MBD3: variants seen among roughly 807,000 people sequenced by gnomAD.
MBD3 encodes the protein methyl-CpG binding domain protein 3.
Under a neutral mutation model 31.2 loss-of-function variants are expected in MBD3, and 13 were observed. That is an observed-to-expected ratio of 0.42 (90% confidence interval 0.27 to 0.66). The LOEUF is 0.66. Ranked by LOEUF, MBD3 falls within the 30% of genes least tolerant of loss-of-function variation. The pLI is 0.26. For synonymous variants in MBD3, 223 were observed against 187.4 expected, an observed-to-expected ratio of 1.19 and a Z score of -1.55; for missense variants, 440 against 426.5, an observed-to-expected ratio of 1.03 and a Z score of -0.28.
rs1307764153 is a variant in MBD3 at position 1,578,116 on chromosome 19, T to TGCAGGCGGCTCCA, written c.*35_*47dup. 6.8e-5 allele frequency: 46 copies of TGCAGGCGGCTCCA among 678,100 alleles called. No individual in the cohort carries two copies. The Middle Eastern group carries it at 1.2e-3, about 18-fold the overall frequency. 42.0% of individuals were successfully genotyped at this position (678,100 alleles called of 1,614,324 possible). A position where few individuals can be genotyped will look rare whatever the true frequency, so the allele number is the denominator to read the frequency against. ...TTCACGTGGGGCCGAGGACCGCGTC[T>TGCAGGCGGCTCCA]GCAGGCGGCTCCAGCAGGCAGCACG... is the stretch of plus-strand genomic sequence containing the variant. On this transcript the variant is annotated 3_prime_UTR_variant, in exon 7 of 7. Coordinates refer to ENST00000434436, the MANE Select transcript of MBD3 (RefSeq NM_001281453.2). The surrounding 1 kb of genome is among the most constrained non-coding windows in gnomAD (Gnocchi z 6.1).
chr19:1,585,046 A>G lies in MBD3; in HGVS notation c.270+9T>C. 1.2e-6 allele frequency: 2 copies of G among 1,610,956 alleles called. No homozygotes were observed. The highest frequency in any genetic ancestry group is 1.7e-6 in the Non-Finnish European group (2 of 1,179,240). ...GCGCCGACGTCACCTGCGTGACGCCACCACTCACCTTGACCTGGTTGGAGG... is the reference window on the plus strand; with the variant it reads ...GCGCCGACGTCACCTGCGTGACGCCGCCACTCACCTTGACCTGGTTGGAGG... On this transcript the variant is annotated intron_variant, in intron 2 of 6. Coordinates refer to ENST00000434436, the MANE Select transcript of MBD3 (RefSeq NM_001281453.2). The surrounding 1 kb of genome is among the most constrained non-coding windows in gnomAD (Gnocchi z 4.1).
intron 1 of MBD3, chr19:1,592,309 C>G (rs2060707827): frequency 6.1e-6 from 1 of 163,984 alleles, no homozygotes; most frequent in African/African-American, 2.4e-5. Flanking sequence ...CAGCCAGTCC[C>G]TGAACGGCCG....
At position 1,577,070 on chromosome 19, in the gene MBD3, C is replaced by G. The variant is rs1373794016; in HGVS notation, c.*1094G>C. The G allele has an allele frequency of 6.6e-6, 1 of 152,426 alleles. No individual in the cohort carries two copies. Among genetic ancestry groups the G allele is most frequent in the Admixed American group, 6.5e-5 (1 of 15,294 alleles). 9.4% of individuals were successfully genotyped at this position (152,426 alleles called of 1,614,324 possible). On this transcript the variant is annotated 3_prime_UTR_variant, in exon 7 of 7. Transcript: ENST00000434436. ...CGACCAGATCCTGGCTGGGGCAGCA[C>G]CGGGACAGGCCCTCTCTATGGGCCT...
intron 4 of MBD3, among the ~76,000 whole-genome samples, chr19:1,582,154 A>G (rs1414729504): frequency 1.3e-5 from 2 of 152,126 alleles, no homozygotes; most frequent in African/African-American, 4.8e-5. Flanking sequence ...CTCCTGCCCC[A>G]GCCCCGCCAA....
At chr19:1,581,452 A>G in intron 4 of MBD3, 183 bp from the exon 5 acceptor site, 1 of 689,608 alleles carries the variant, frequency 1.5e-6, no homozygotes, top group Admixed American at 2.4e-5. Flanking sequence ...CAGAAAAAAA[A>G]GCAAGTTAGG....
rs539814443 is a variant in MBD3, at chr19:1,585,819, T to C, written c.111-605A>G. The C allele has an allele frequency of 6.4e-6, 1 of 155,936 alleles. No homozygotes were observed. Among genetic ancestry groups the C allele is most frequent in the South Asian group, 1.9e-4 (1 of 5,194 alleles). The allele number at this position is 155,936 out of a possible 1,614,324, so 9.7% of individuals were successfully genotyped here. ...GGGCCAGACTGGGAAGGGGTCTCGT[T>C]CTAAGATCTGGGGCCAGGCCCTAAC... On this transcript the variant is annotated intron_variant, in intron 1 of 6. Transcript: ENST00000434436. The surrounding 1 kb of genome is among the most constrained non-coding windows in gnomAD (Gnocchi z 4.1).
rs1266311305 is a variant in MBD3 at position 1,578,349 on chromosome 19, C to T, written c.867G>A (p.Glu289=). ...EEEPDPDPEM[E]HV is the part of the protein sequence containing the mutation. ...CCCCGCAGCACCTGCCCTAGACGTG[C>T]TCCATCTCCGGGTCCGGGTCGGGCT... Residue 289 remains glutamate (E), a synonymous_variant, in exon 6 of 7, where the codon GAG becomes GAA. Transcript: ENST00000434436. The surrounding 1 kb of genome is among the most constrained non-coding windows in gnomAD (Gnocchi z 6.1). 2.5e-6 allele frequency: 4 copies of T among 1,603,424 alleles called. No homozygotes were observed. Among genetic ancestry groups the T allele is most frequent in the Non-Finnish European group, 2.5e-6 (3 of 1,179,830 alleles).
In MBD3 at chr19:1,582,643, C is replaced by T; in HGVS notation, c.478G>A (p.Asp160Asn). ...DIAEELVKTM[D>N]LPKGLQGVGP... ...TCACCCTGCAGGCCCTTGGGGAGGTCCATGGTCTTGACCAGCTCCTCAGCA... is the reference window on the plus strand; with the variant it reads ...TCACCCTGCAGGCCCTTGGGGAGGTTCATGGTCTTGACCAGCTCCTCAGCA... Residue 160 changes from aspartate (D) to asparagine (N), a missense_variant, in exon 4 of 7, where the codon GAC becomes AAC. Coordinates refer to ENST00000434436, the MANE Select transcript of MBD3 (RefSeq NM_001281453.2). 6.2e-7 allele frequency: 1 copy of T among 1,613,952 alleles called. No individual in the cohort carries two copies. The highest frequency in any genetic ancestry group is 1.1e-5 in the South Asian group (1 of 91,050).
intron 1 of MBD3, among the ~76,000 whole-genome samples, chr19:1,590,620 A>C (rs942413839): frequency 1.8e-4 from 28 of 152,216 alleles, no homozygotes; most frequent in African/African-American, 6.0e-4. Context: ...AAGAAAAAAA[A>C]CAAAAAAGGT....
chr19:1,578,113 G>A lies in MBD3; in HGVS notation c.*51C>T, dbSNP rs542624876. Reference sequence around the variant, plus strand: ...TGGTTCACGTGGGGCCGAGGACCGCGTCTGCAGGCGGCTCCAGCAGGCAGC... The same window carrying A: ...TGGTTCACGTGGGGCCGAGGACCGCATCTGCAGGCGGCTCCAGCAGGCAGC... On this transcript the variant is annotated 3_prime_UTR_variant, in exon 7 of 7. Coordinates refer to ENST00000434436, the MANE Select transcript of MBD3 (RefSeq NM_001281453.2). This position sits in a 1 kb window ranked among gnomAD's most constrained non-coding sequence, Gnocchi z 6.1. The A allele has an allele frequency of 1.5e-3, 969 of 664,364 alleles. 1 individual carries two copies. Among genetic ancestry groups the A allele is most frequent in the Non-Finnish European group, 2.2e-3 (883 of 395,462 alleles). 41.2% of individuals were successfully genotyped at this position (664,364 alleles called of 1,614,324 possible).
intron 3 of MBD3, among the ~76,000 whole-genome samples, chr19:1,583,856 C>A (rs1411437890): frequency 6.6e-6 from 1 of 152,190 alleles, no homozygotes; most frequent in Non-Finnish European, 1.5e-5. Flanking sequence ...GGGTCTCGCT[C>A]TGTCGCCCAG....
rs1024142336 is a variant in MBD3, at chr19:1,578,057, T to A, written c.*107A>T. 1.5e-5 allele frequency: 8 copies of A among 550,450 alleles called. No individual in the cohort carries two copies. The highest frequency in any genetic ancestry group is 3.2e-5 in the Admixed American group (1 of 31,654). The allele number at this position is 550,450 out of a possible 1,614,324, so 34.1% of individuals were successfully genotyped here. A position where few individuals can be genotyped will look rare whatever the true frequency, so the allele number is the denominator to read the frequency against. On this transcript the variant is annotated 3_prime_UTR_variant, in exon 7 of 7. Transcript: ENST00000434436. The surrounding 1 kb of genome is among the most constrained non-coding windows in gnomAD (Gnocchi z 6.1). The stretch of plus-strand genomic sequence containing the variant: ...CCAGGAGCACGGCCTTCCTCCTGGG[T>A]GTCTCCAAGGCTGGGCTTCGCCGCC...
chr19:1,579,793 T>C (rs1046063685), intron 5 of MBD3, among the ~76,000 whole-genome samples: 2 of 152,228 alleles, frequency 1.3e-5, no homozygotes, highest in African/African-American at 4.8e-5. Flanking sequence ...CTTATTTTAT[T>C]TTTTTAACTC....
Position 1,578,593 on chromosome 19 carries a change from A to G in MBD3, c.678-55T>C. 1 of 1,605,986 alleles carries G rather than the reference A, an allele frequency of 6.2e-7. No homozygotes were observed. Among genetic ancestry groups the G allele is most frequent in the South Asian group, 1.1e-5 (1 of 91,032 alleles). On this transcript the variant is annotated intron_variant, in intron 5 of 6. Coordinates refer to ENST00000434436, the MANE Select transcript of MBD3 (RefSeq NM_001281453.2). The surrounding 1 kb of genome is among the most constrained non-coding windows in gnomAD (Gnocchi z 6.1). ...AAGGTGAGCGGCCAGCAGGACATGG[A>G]CACAGGATGAACGTGGGGACCTCAG...
chr19:1,581,461 G>A, intron 4 of MBD3, 192 bp from the exon 5 acceptor site: 3 of 646,478 alleles, frequency 4.6e-6, no homozygotes, highest in Non-Finnish European at 8.2e-6. Flanking sequence ...AAGCAAGTTA[G>A]GCCAGGCGTG....
rs1208558558 is a variant in MBD3 at position 1,577,889 on chromosome 19, G to A, written c.*275C>T. ...GCTGGCCTCGAGCCCAAAGGTCGTA[G>A]GGAGCCAGGCAGGGCCCAGGAGCAC... On this transcript the variant is annotated 3_prime_UTR_variant, in exon 7 of 7. Transcript: ENST00000434436. The A allele has an allele frequency of 4.8e-6, 1 of 206,750 alleles. No individual in the cohort carries two copies. The highest frequency in any genetic ancestry group is 9.9e-6 in the Non-Finnish European group (1 of 100,732). 12.8% of individuals were successfully genotyped at this position (206,750 alleles called of 1,614,324 possible). A position where few individuals can be genotyped will look rare whatever the true frequency, so the allele number is the denominator to read the frequency against.
At chr19:1,580,949 T>A (rs1478025350) in intron 5 of MBD3, 143 bp downstream of exon 5, 5 of 1,065,204 alleles carry the variant, frequency 4.7e-6, no homozygotes, top group Non-Finnish European at 7.0e-6. Flanking sequence ...CGACGATGGG[T>A]CCCCTTGCCC....
At position 1,575,399 on chromosome 19, in the gene MBD3, GAAACTCTTGTCTAAAAAAAAA is replaced by G. The variant is rs1037178782; in HGVS notation, c.*2744_*2764del. The G allele has an allele frequency of 3.1e-6, 1 of 327,686 alleles. No individual in the cohort carries two copies. Among genetic ancestry groups the G allele is most frequent in the Non-Finnish European group, 6.2e-6 (1 of 162,360 alleles). 20.3% of individuals were successfully genotyped at this position (327,686 alleles called of 1,614,324 possible). A position where few individuals can be genotyped will look rare whatever the true frequency, so the allele number is the denominator to read the frequency against. On this transcript the variant is annotated 3_prime_UTR_variant, in exon 7 of 7. Coordinates refer to ENST00000434436, the MANE Select transcript of MBD3 (RefSeq NM_001281453.2). ...TGTGCAACAAGAGCGAAAGAAGAGC[GAAACTCTTGTCTAAAAAAAAA>G]AAAAGTCCCAGAAGGTCTTGGGGCT...
rs1917273830 is a variant in MBD3, at chr19:1,578,649, C to A, written c.678-111G>T. The A allele has an allele frequency of 3.8e-6, 6 of 1,592,312 alleles. No individual in the cohort carries two copies. The highest frequency in any genetic ancestry group is 1.1e-5 in the South Asian group (1 of 90,296). ...AGGGGAGGCCCGAGGGATCCACAGG[C>A]ACCCCCCCAGGACCAGCCCTGGCCC... On this transcript the variant is annotated intron_variant, in intron 5 of 6. Coordinates refer to ENST00000434436, the MANE Select transcript of MBD3 (RefSeq NM_001281453.2). The surrounding 1 kb of genome is among the most constrained non-coding windows in gnomAD (Gnocchi z 6.1).
Sources: allele counts gnomAD v4.1 joint callset (sites outside exome capture counted in the v4.1 genomes callset), GRCh38; gene constraint gnomAD v4.1.1; non-coding constraint Gnocchi (gnomAD v3.1); transcripts MANE v1.5; gene names NCBI Gene and HGNC (gene_info 2026-07-23, HGNC 2026-07-21).